Variants in WNK1 observed in about 807,000 individuals in gnomAD.
The protein encoded by WNK1 is WNK lysine deficient protein kinase 1.
WNK1 carries 38 observed loss-of-function variants against 222.8 expected under a neutral mutation model. The observed-to-expected ratio is 0.17, with a 90% CI of 0.13 to 0.22. The LOEUF (loss-of-function observed/expected upper bound fraction) is 0.22. Ranked by LOEUF, WNK1 falls within the 10% of genes least tolerant of loss-of-function variation. WNK1 has a pLI of 1.00. For synonymous variants in WNK1, 1,090 were observed against 1,092.9 expected (o/e 1.00, Z 0.05); for missense variants, 2,348 against 2,918.4 (o/e 0.80, Z 4.50).
intron 1 of WNK1, among the ~76,000 whole-genome samples, chr12:774,321 C>A (rs1486781044): frequency 1.3e-5 from 2 of 152,178 alleles, no homozygotes; most frequent in African/African-American, 4.8e-5. Context: ...CCCTTCCTTT[C>A]CTCCAGCATC....
chr12:859,725 GGAGA>G (rs1420494288), intron 6 of WNK1, among the ~76,000 whole-genome samples: 1 of 144,152 alleles, frequency 6.9e-6, no homozygotes, highest in Admixed American at 7.0e-5. Flanking sequence ...TTTTTTTGAT[GGAGA>G]GAGAGACAGG....
chr12:899,398 A>G (rs1955032423), intron 25 of WNK1, among the ~76,000 whole-genome samples: 1 of 152,128 alleles, frequency 6.6e-6, no homozygotes, highest in Non-Finnish European at 1.5e-5. Context: ...CCTCCCAAGT[A>G]GCTGGGATTA....
At chr12:788,423 A>G (rs1944522276) in intron 1 of WNK1, among the ~76,000 whole-genome samples, 1 of 152,224 alleles carries the variant, frequency 6.6e-6, no homozygotes, top group East Asian at 1.9e-4. Flanking sequence ...CATGAGATCA[A>G]CTTATGCACT....
chr12:883,274 C>G, intron 15 of WNK1, 121 bp from the exon 16 acceptor site: 1 of 1,226,790 alleles, frequency 8.2e-7, no homozygotes, highest in Non-Finnish European at 1.2e-6. Context: ...AAGAGAAGAG[C>G]TAACTTGAGT....
intron 9 of WNK1, among the ~76,000 whole-genome samples, chr12:873,283 C>G (rs900586050): frequency 6.6e-6 from 1 of 151,998 alleles, no homozygotes; most frequent in Non-Finnish European, 1.5e-5. Flanking sequence ...TAAAATAATT[C>G]ATTGAGTTTC....
chr12:763,092 TC>T (rs1273567164), intron 1 of WNK1, among the ~76,000 whole-genome samples: 1 of 147,228 alleles, frequency 6.8e-6, no homozygotes, highest in Non-Finnish European at 1.5e-5. Flanking sequence ...TTGCAAGACC[TC>T]CCGTGGATAC....
At chr12:762,651 T>C (rs534835855) in intron 1 of WNK1, among the ~76,000 whole-genome samples, 1 of 147,678 alleles carries the variant, frequency 6.8e-6, no homozygotes, top group African/African-American at 2.4e-5. Context: ...TAGCAGTAAT[T>C]GCCCAAAAAT....
At chr12:804,918 ATAAT>A (rs889476877) in intron 1 of WNK1, among the ~76,000 whole-genome samples, 5 of 146,620 alleles carry the variant, frequency 3.4e-5, no homozygotes, top group African/African-American at 7.4e-5. Flanking sequence ...TTTTATATAT[ATAAT>A]TAATATTTTA....
chr12:819,941 A>G (rs754843097), intron 2 of WNK1, among the ~76,000 whole-genome samples: 5 of 152,322 alleles, frequency 3.3e-5, no homozygotes, highest in Non-Finnish European at 5.9e-5. Context: ...TTATGCCAGT[A>G]CCGCATTGCT....
chr12:860,501 C>T (rs892924047), intron 6 of WNK1, among the ~76,000 whole-genome samples: 3 of 152,146 alleles, frequency 2.0e-5, no homozygotes, highest in African/African-American at 7.2e-5. Context: ...GTATGAGTTA[C>T]TTATGTTTAA....
At chr12:815,017 G>A (rs988666548) in intron 2 of WNK1, among the ~76,000 whole-genome samples, 1 of 152,160 alleles carries the variant, frequency 6.6e-6, no homozygotes, top group African/African-American at 2.4e-5. Flanking sequence ...TCATGGCCCT[G>A]TGAGAAATCT....
intron 2 of WNK1, among the ~76,000 whole-genome samples, chr12:821,925 TATA>T (rs1174270413): frequency 6.6e-6 from 1 of 152,094 alleles, no homozygotes; most frequent in Admixed American, 6.5e-5. Flanking sequence ...TCCTTGGATC[TATA>T]ATGAGTCTCT....
chr12:843,787 G>C (rs1172619892), intron 4 of WNK1, among the ~76,000 whole-genome samples: 3 of 152,158 alleles, frequency 2.0e-5, no homozygotes, highest in Non-Finnish European at 4.4e-5. Context: ...TGTATTTAGT[G>C]TAAAATTTTG....
At position 908,846 on chromosome 12, in the gene WNK1, G is replaced by A. The variant is rs1224839823; in HGVS notation, c.*54G>A. 2.3e-6 allele frequency: 3 copies of A among 1,311,390 alleles called. No homozygotes were observed. The highest frequency in any genetic ancestry group is 1.2e-5 in the South Asian group (1 of 82,692). 81.2% of individuals were successfully genotyped at this position (1,311,390 alleles called of 1,614,324 possible). On this transcript the variant is annotated 3_prime_UTR_variant, in exon 28 of 28. Transcript: ENST00000315939. Reference sequence around the variant, plus strand: ...GGGGCAGGAGATGGAATGCTGAGGGGGTGGGTGGGGGTGGGAAGTAGCCTA... The same window carrying A: ...GGGGCAGGAGATGGAATGCTGAGGGAGTGGGTGGGGGTGGGAAGTAGCCTA...
Position 885,285 on chromosome 12 carries a change from C to T in WNK1, c.4481C>T (p.Thr1494Ile), listed in dbSNP as rs775967609. The change falls in exon 19 of 28, where the codon ACC becomes ATC. Residue 1494 changes from threonine to isoleucine, a missense_variant. By Grantham distance (89) the Thr-to-Ile change is moderately conservative (BLOSUM62 -1). Around this residue, in one of 13 missense-constraint regions of WNK1, gnomAD observed 1,144 missense variants for 1,273.6 expected, o/e 0.90. Coordinates refer to ENST00000315939, the MANE Select transcript of WNK1 (RefSeq NM_018979.4). ...GGAGCCACATTAACATCAGTTTCTACCACCACTTCATTCCCAAGCACAGCT... is the reference window on the plus strand; with the variant it reads ...GGAGCCACATTAACATCAGTTTCTATCACCACTTCATTCCCAAGCACAGCT... ...TVGATLTSVS[T>I]TTSFPSTASQ... 1 of 1,614,206 alleles carries T rather than the reference C, an allele frequency of 6.2e-7. No homozygotes were observed. The highest frequency in any genetic ancestry group is 1.1e-5 in the South Asian group (1 of 91,084).
rs750039108 is a variant in WNK1, at chr12:885,033, C to T, written c.4229C>T (p.Ser1410Phe). 2.5e-6 allele frequency: 4 copies of T among 1,614,184 alleles called. No individual in the cohort carries two copies. Among genetic ancestry groups the T allele is most frequent in the Non-Finnish European group, 3.4e-6 (4 of 1,180,034 alleles). Reference protein sequence around the residue: ...IPPVSESPVLSSVVSSITIPA... With the variant: ...IPPVSESPVLFSVVSSITIPA... ...CCTGTGTCTGAATCACCAGTACTTT[C>T]CAGCGTAGTTTCAAGTATCACAATA... The change falls in exon 19 of 28, where the codon TCC becomes TTC. Residue 1410 changes from serine to phenylalanine, a missense_variant. Around this residue, in one of 13 missense-constraint regions of WNK1, gnomAD observed 1,144 missense variants for 1,273.6 expected, o/e 0.90. Coordinates refer to ENST00000315939, the MANE Select transcript of WNK1 (RefSeq NM_018979.4).
Position 784,282 on chromosome 12 carries a change from A to G in WNK1, c.760-29360A>G, listed in dbSNP as rs924979784. ...AACCCAGATGTGTGAATCTTGAAGGAATTTTTTTTTAATTGGCTAATGGCT... is the reference window on the plus strand; with the variant it reads ...AACCCAGATGTGTGAATCTTGAAGGGATTTTTTTTTAATTGGCTAATGGCT... On this transcript the variant is annotated intron_variant, in intron 1 of 27. Coordinates refer to ENST00000315939, the MANE Select transcript of WNK1 (RefSeq NM_018979.4). Among the ~76,000 whole-genome samples, 8 of 152,080 alleles carry G rather than the reference A, an allele frequency of 5.3e-5. No individual in the cohort carries two copies. In the East Asian group the frequency reaches 1.5e-3, roughly 29 times the overall value.
At chr12:811,872 C>T (rs1473634829) in intron 1 of WNK1, among the ~76,000 whole-genome samples, 1 of 152,040 alleles carries the variant, frequency 6.6e-6, no homozygotes, top group Non-Finnish European at 1.5e-5. Flanking sequence ...GTTCTCAGAT[C>T]CCTTAAAATA....
intron 1 of WNK1, among the ~76,000 whole-genome samples, chr12:778,394 G>A (rs550545100): frequency 3.6e-4 from 54 of 151,432 alleles, no homozygotes; most frequent in African/African-American, 1.0e-3. Context: ...GTGCAGTGGC[G>A]CCATCTTGGC....
Sources: allele counts gnomAD v4.1 joint callset (sites outside exome capture counted in the v4.1 genomes callset), GRCh38; gene constraint gnomAD v4.1.1; regional missense constraint gnomAD v4.1.1; transcripts MANE v1.5; gene names NCBI Gene and HGNC (gene_info 2026-07-23, HGNC 2026-07-21).